Variants in TADA2A observed in about 807,000 individuals in gnomAD.
TADA2A encodes transcriptional adapter 2-alpha.
A neutral mutation model predicts 67.4 loss-of-function variants in TADA2A; 38 were observed. That is an observed-to-expected ratio of 0.56 (90% CI 0.44 to 0.74). The LOEUF is 0.74. Ranked by LOEUF, TADA2A falls within the 30% of genes least tolerant of loss-of-function variation. TADA2A has a pLI of 0.00. For missense variants in TADA2A, 454 were observed against 547.0 expected (o/e 0.83, Z 1.70); for synonymous variants, 192 against 181.6 (o/e 1.06, Z -0.46).
chr17:37,474,574 C>T lies in TADA2A; in HGVS notation c.1091C>T (p.Pro364Leu), dbSNP rs573640576. The change falls in exon 15 of 16, where the codon CCC becomes CTC. Residue 364 changes from proline (P) to leucine (L), a missense_variant. By Grantham distance (98) the Pro-to-Leu change is moderately conservative (BLOSUM62 -3). Transcript: ENST00000615182. The part of the protein sequence containing the change: ...ASNSGRRSAP[P>L]LNLTGLPGTE... Reference sequence around the variant, plus strand: ...TCTATAGGTAGACGGAGTGCACCACCCTTGAACCTCACTGGCCTCCCTGGC... The same window carrying T: ...TCTATAGGTAGACGGAGTGCACCACTCTTGAACCTCACTGGCCTCCCTGGC... 2 of 1,613,720 alleles carry T rather than the reference C, an allele frequency of 1.2e-6. No homozygotes were observed. Among genetic ancestry groups the T allele is most frequent in the East Asian group, 4.5e-5 (2 of 44,878 alleles).
intron 4 of TADA2A, among the ~76,000 whole-genome samples, chr17:37,437,324 C>T (rs1025772552): frequency 6.6e-6 from 1 of 151,722 alleles, no homozygotes; most frequent in Non-Finnish European, 1.5e-5. Context: ...ATCTCCTGAC[C>T]TCGTGATCCG....
intron 7 of TADA2A, among the ~76,000 whole-genome samples, chr17:37,443,818 T>C (rs2052993883): frequency 1.3e-5 from 2 of 152,204 alleles, no homozygotes; most frequent in South Asian, 4.1e-4. Context: ...TCCTGTACTA[T>C]ATCCACAAGT....
At chr17:37,440,463 A>G in intron 5 of TADA2A, 42 bp from the exon 6 acceptor site, 2 of 1,606,222 alleles carry the variant, frequency 1.2e-6, no homozygotes, top group African/African-American at 1.3e-5. Flanking sequence ...TATTATGTGT[A>G]AATACAAGTA....
At chr17:37,465,667 T>G in intron 11 of TADA2A, 126 bp downstream of exon 11, 1 of 1,509,288 alleles carries the variant, frequency 6.6e-7, no homozygotes, top group Admixed American at 2.1e-5. Context: ...TTGTTCCCCT[T>G]TATTACCATG....
chr17:37,431,807 C>T (rs1289169459), intron 4 of TADA2A, among the ~76,000 whole-genome samples: 10 of 152,228 alleles, frequency 6.6e-5, no homozygotes, highest in African/African-American at 2.4e-4. Context: ...CTCAGGTGAT[C>T]TGCCCACCTC....
intron 5 of TADA2A, 66 bp from the exon 6 acceptor site, chr17:37,440,439 A>G (rs776893991): frequency 1.9e-6 from 3 of 1,555,568 alleles, no homozygotes; most frequent in Non-Finnish European, 2.6e-6. Context: ...GAAAAGAGCA[A>G]ATGATGCTTT....
chr17:37,415,744 C>T (rs1037998765), intron 2 of TADA2A, among the ~76,000 whole-genome samples: 1 of 151,708 alleles, frequency 6.6e-6, no homozygotes, highest in African/African-American at 2.4e-5. Flanking sequence ...CTTGGTGGTA[C>T]GTGCCTGTAA....
intron 3 of TADA2A, among the ~76,000 whole-genome samples, chr17:37,425,374 C>T (rs2052374874): frequency 6.6e-6 from 1 of 152,142 alleles, no homozygotes; most frequent in Non-Finnish European, 1.5e-5. Context: ...CTGTCCCAGG[C>T]ACCACTTTGA....
intron 3 of TADA2A, among the ~76,000 whole-genome samples, chr17:37,424,028 G>A (rs1341473839): frequency 1.3e-5 from 2 of 151,970 alleles, no homozygotes; most frequent in Non-Finnish European, 2.9e-5. Flanking sequence ...GATTACAGGC[G>A]TGAGCCACCG....
At chr17:37,419,778 C>CAAAAAA (rs34588213) in intron 2 of TADA2A, among the ~76,000 whole-genome samples, 1 of 123,590 alleles carries the variant, frequency 8.1e-6, no homozygotes. Flanking sequence ...GACACTGTCT[C>CAAAAAA]AAAAAAAAAA....
chr17:37,428,074 A>G (rs1178799998), intron 4 of TADA2A, among the ~76,000 whole-genome samples: 3 of 152,168 alleles, frequency 2.0e-5, no homozygotes, highest in African/African-American at 7.2e-5. Flanking sequence ...TTTGGCCCCC[A>G]TGCAGTTGTT....
intron 8 of TADA2A, among the ~76,000 whole-genome samples, chr17:37,447,981 G>C (rs2053128839): frequency 1.3e-5 from 2 of 152,154 alleles, no homozygotes; most frequent in African/African-American, 2.4e-5. Flanking sequence ...GTTTCTTTAT[G>C]TCCTCTGCCA....
Position 37,423,567 on chromosome 17 carries a change from T to C in TADA2A, c.84T>C (p.Tyr28=), listed in dbSNP as rs758337940. 2 of 1,613,702 alleles carry C rather than the reference T, an allele frequency of 1.2e-6. No individual in the cohort carries two copies. The highest frequency in any genetic ancestry group is 8.5e-7 in the Non-Finnish European group (1 of 1,179,938). Residue 28 remains tyrosine, a synonymous_variant, in exon 3 of 16, where the codon TAT becomes TAC. Coordinates refer to ENST00000615182, the MANE Select transcript of TADA2A (RefSeq NM_001166105.3). ...RGCSSYLMEP[Y]IKCAECGPPP... is the part of the protein sequence containing the mutation. ...GCTCCTCCTACCTCATGGAGCCTTA[T>C]ATCAAGTGTGCTGAATGTGGGCCAC... is the stretch of plus-strand genomic sequence containing the variant.
At chr17:37,409,373 G>C (rs951202260) in intron 1 of TADA2A, among the ~76,000 whole-genome samples, 10 of 152,120 alleles carry the variant, frequency 6.6e-5, no homozygotes, top group Non-Finnish European at 1.5e-4. Context: ...ACAGACATGA[G>C]CTACCACACC....
At position 37,477,128 on chromosome 17, in the gene TADA2A, T is replaced by C; in HGVS notation, c.*146T>C. ...AGGACAAAGGAAACCTTAAGTTGTA[T>C]TGTCTACTTTCTTCTCCATCCTGCT... On this transcript the variant is annotated 3_prime_UTR_variant, in exon 16 of 16. Coordinates refer to ENST00000615182, the MANE Select transcript of TADA2A (RefSeq NM_001166105.3). 1 of 796,568 alleles carries C rather than the reference T, an allele frequency of 1.3e-6. No individual in the cohort carries two copies. Among genetic ancestry groups the C allele is most frequent in the Non-Finnish European group, 1.9e-6 (1 of 520,194 alleles). 49.3% of individuals were successfully genotyped at this position (796,568 alleles called of 1,614,324 possible). A position where few individuals can be genotyped will look rare whatever the true frequency, so the allele number is the denominator to read the frequency against.
At chr17:37,417,550 C>T (rs375358610) in intron 2 of TADA2A, among the ~76,000 whole-genome samples, 8 of 150,802 alleles carry the variant, frequency 5.3e-5, no homozygotes, top group African/African-American at 1.9e-4. Flanking sequence ...CTTTTTTTTT[C>T]TTGAGACATA....
Position 37,470,487 on chromosome 17 carries a change from A to G in TADA2A, c.983A>G (p.Gln328Arg). 6.2e-7 allele frequency: 1 copy of G among 1,604,714 alleles called. No homozygotes were observed. Among genetic ancestry groups the G allele is most frequent in the South Asian group, 1.1e-5 (1 of 89,362 alleles). The change falls in exon 13 of 16, where the codon CAG (glutamine) becomes CGG (arginine). Residue 328 changes from glutamine to arginine, a missense_variant. This residue lies in a region of TADA2A where 403 missense variants were observed against 455.5 expected (regional missense o/e 0.88). Coordinates refer to ENST00000615182, the MANE Select transcript of TADA2A (RefSeq NM_001166105.3). ...TMLSEVLQYI[Q>R]DSSACQQWLR... is the part of the protein sequence containing the mutation. ...CTCTCAGAAGTTCTCCAGTATATCC[A>G]GGACAGTAGTGCTTGCCAGCAGTGG...
chr17:37,449,242 C>A (rs2053166758), intron 8 of TADA2A, among the ~76,000 whole-genome samples: 1 of 152,106 alleles, frequency 6.6e-6, no homozygotes, highest in East Asian at 1.9e-4. Flanking sequence ...AGGATAGTCT[C>A]GATCTCCTGA....
At chr17:37,458,490 T>TC in intron 8 of TADA2A, 34 bp from the exon 9 acceptor site, 2 of 1,369,198 alleles carry the variant, frequency 1.5e-6, no homozygotes, top group South Asian at 1.5e-5. Context: ...ATATATGATA[T>TC]GTATATATAG....
Sources: gnomAD v4.1 joint callset for allele counts (sites outside exome capture counted in the v4.1 genomes callset) on GRCh38, gnomAD v4.1.1 for gene constraint, gnomAD v4.1.1 regional missense constraint, MANE v1.5 for transcripts, NCBI Gene and HGNC (gene_info 2026-07-23, HGNC 2026-07-21) for gene names.